The following EPHA3 variants were observed in gnomAD, a reference collection of about 807,000 sequenced individuals.
EPHA3 encodes ephrin type-A receptor 3.
EPHA3 carries 42 observed loss-of-function variants against 107.1 expected under a neutral mutation model. The observed-to-expected ratio is 0.39, with a 90% CI of 0.31 to 0.51. EPHA3 has a LOEUF of 0.51. Ranked by LOEUF, EPHA3 falls within the 20% of genes least tolerant of loss-of-function variation. The probability of loss-of-function intolerance (pLI) is 0.78; values close to 1 mark genes in which losing one functional copy is unlikely to be tolerated. For missense variants in EPHA3, 1,183 were observed against 1,211.2 expected, an observed-to-expected ratio of 0.98 and a Z score of 0.35; for synonymous variants, 461 against 424.8, an observed-to-expected ratio of 1.09 and a Z score of -1.05.
intron 2 of EPHA3, among the ~76,000 whole-genome samples, chr3:89,142,827 T>C (rs1374124657): frequency 6.6e-6 from 1 of 151,580 alleles, no homozygotes; most frequent in East Asian, 1.9e-4. Context: ...AATCTTTCAA[T>C]AGCCTCACGC....
chr3:89,291,733 A>T, intron 3 of EPHA3, among the ~76,000 whole-genome samples: 1 of 152,146 alleles, frequency 6.6e-6, no homozygotes, highest in Middle Eastern at 3.2e-3. Context: ...CATTTGCTCC[A>T]CTTTATGAGT....
intron 3 of EPHA3, among the ~76,000 whole-genome samples, chr3:89,258,503 C>A (rs1705339916): frequency 6.6e-6 from 1 of 152,006 alleles, no homozygotes; most frequent in Admixed American, 6.6e-5. Context: ...TGACAAATTT[C>A]TTTCAAATGG....
chr3:89,191,670 A>G (rs1321330519), intron 2 of EPHA3, among the ~76,000 whole-genome samples: 2 of 152,204 alleles, frequency 1.3e-5, no homozygotes, highest in Admixed American at 6.5e-5. Context: ...TTATGTTTAT[A>G]GGTAATTGGT....
At chr3:89,387,799 C>T (rs564866875) in intron 5 of EPHA3, among the ~76,000 whole-genome samples, 1 of 152,170 alleles carries the variant, frequency 6.6e-6, no homozygotes, top group African/African-American at 2.4e-5. Flanking sequence ...ATGCATACTT[C>T]ATTTGTCATT....
At chr3:89,467,956 G>A (rs1434901426) in intron 15 of EPHA3, among the ~76,000 whole-genome samples, 5 of 152,074 alleles carry the variant, frequency 3.3e-5, no homozygotes, top group African/African-American at 7.2e-5. Flanking sequence ...GTGAGCTCAC[G>A]GTGCACATCA....
intron 10 of EPHA3, among the ~76,000 whole-genome samples, chr3:89,413,532 G>C (rs1446554698): frequency 6.6e-6 from 1 of 151,682 alleles, no homozygotes; most frequent in Non-Finnish European, 1.5e-5. Context: ...TGTGCTGATC[G>C]TGTGTCACAA....
chr3:89,452,023 A>T (rs993430341), intron 15 of EPHA3, among the ~76,000 whole-genome samples: 1 of 152,110 alleles, frequency 6.6e-6, no homozygotes, highest in African/African-American at 2.4e-5. Context: ...ATATTTTAAG[A>T]TGTCTAAAAT....
At chr3:89,321,864 A>G (rs1707051360) in intron 3 of EPHA3, among the ~76,000 whole-genome samples, 1 of 152,126 alleles carries the variant, frequency 6.6e-6, no homozygotes, top group Non-Finnish European at 1.5e-5. Flanking sequence ...TCATTTACAA[A>G]ACTGAGCTGC....
At chr3:89,241,919 C>CA (rs574074548) in intron 3 of EPHA3, among the ~76,000 whole-genome samples, 18 of 152,230 alleles carry the variant, frequency 1.2e-4, no homozygotes, top group African/African-American at 4.3e-4. Flanking sequence ...AAGGGATCAT[C>CA]AAGCAGATTT....
chr3:89,136,585 T>A (rs1704321464), intron 2 of EPHA3, among the ~76,000 whole-genome samples: 1 of 151,724 alleles, frequency 6.6e-6, no homozygotes, highest in East Asian at 1.9e-4. Context: ...GGAGATTGGA[T>A]TAGAATTTTA....
chr3:89,389,786 C>G (rs1450178564), intron 5 of EPHA3, among the ~76,000 whole-genome samples: 1 of 152,182 alleles, frequency 6.6e-6, no homozygotes, highest in Non-Finnish European at 1.5e-5. Flanking sequence ...AAGTCTCATC[C>G]CTAACCAGAT....
chr3:89,420,345 T>C (rs1709330973), intron 11 of EPHA3, among the ~76,000 whole-genome samples: 1 of 151,474 alleles, frequency 6.6e-6, no homozygotes, highest in African/African-American at 2.4e-5. Flanking sequence ...TATTCTCACT[T>C]TAGCATGACT....
chr3:89,470,365 T>A (rs1355071131), intron 15 of EPHA3, among the ~76,000 whole-genome samples: 3 of 152,218 alleles, frequency 2.0e-5, no homozygotes, highest in African/African-American at 7.2e-5. Context: ...TATTTTCTTT[T>A]TGAAGTTTTC....
At chr3:89,389,796 T>A (rs547271875) in intron 5 of EPHA3, among the ~76,000 whole-genome samples, 8 of 152,322 alleles carry the variant, frequency 5.3e-5, no homozygotes, top group Non-Finnish European at 1.2e-4. Flanking sequence ...CCTAACCAGA[T>A]CCCTTCACAA....
At chr3:89,186,378 A>AT (rs34259425) in intron 2 of EPHA3, among the ~76,000 whole-genome samples, 17,034 of 152,022 alleles carry the variant, frequency 0.11, 1,060 homozygotes, top group African/African-American at 0.17. Context: ...GTTTAAAAAA[A>AT]ATATAAATAA....
At chr3:89,217,172 A>G (rs1325742857) in intron 3 of EPHA3, among the ~76,000 whole-genome samples, 2 of 152,182 alleles carry the variant, frequency 1.3e-5, no homozygotes, top group Non-Finnish European at 2.9e-5. Flanking sequence ...AGCTGGCACT[A>G]AAGTTTAATA....
intron 3 of EPHA3, among the ~76,000 whole-genome samples, chr3:89,259,554 A>G (rs2137488): frequency 0.21 from 32,393 of 152,094 alleles, 3,818 homozygotes; most frequent in Non-Finnish European, 0.27. Context: ...TTTTTAAAAA[A>G]GGTAAATTGT....
intron 3 of EPHA3, among the ~76,000 whole-genome samples, chr3:89,288,219 C>A (rs1397446428): frequency 6.6e-6 from 1 of 152,034 alleles, no homozygotes; most frequent in African/African-American, 2.4e-5. Context: ...GTTGGATATT[C>A]AGGCTAGAGT....
intron 9 of EPHA3, among the ~76,000 whole-genome samples, chr3:89,412,625 A>G (rs781235976): frequency 4.0e-5 from 6 of 151,738 alleles, no homozygotes. Context: ...TGTTAATATA[A>G]GCAGTACAGT....
Sources: gnomAD v4.1 joint callset for allele counts (sites outside exome capture counted in the v4.1 genomes callset) on GRCh38, gnomAD v4.1.1 for gene constraint, MANE v1.5 for transcripts, NCBI Gene and HGNC (gene_info 2026-07-23, HGNC 2026-07-21) for gene names.